RHCG: variants seen among roughly 807,000 people sequenced by gnomAD.
RHCG encodes the protein Rh family C glycoprotein, also known as ammonium transporter Rh type C.
A neutral mutation model predicts 55.3 loss-of-function variants in RHCG; 39 were observed. The observed-to-expected ratio is 0.70, with a 90% CI of 0.55 to 0.92. RHCG has a LOEUF of 0.92. Among genes scored for constraint, RHCG ranks in the 40% least tolerant of loss-of-function variants. The probability of loss-of-function intolerance (pLI) is 0.00; values close to 1 mark genes in which losing one functional copy is unlikely to be tolerated. For missense variants in RHCG, 635 were observed against 627.9 expected (o/e 1.01, Z -0.12); for synonymous variants, 250 against 246.8 (o/e 1.01, Z -0.12).
At chr15:89,487,435 C>CGATA (rs981514979) in intron 1 of RHCG, among the ~76,000 whole-genome samples, 1 of 152,148 alleles carries the variant, frequency 6.6e-6, no homozygotes, top group African/African-American at 2.4e-5. Flanking sequence ...GGTCTAAGGT[C>CGATA]GATAGCCCAG....
Position 89,477,749 on chromosome 15 carries a change from C to T in RHCG, c.975+88G>A. The T allele has an allele frequency of 6.2e-7, 1 of 1,603,048 alleles. No individual in the cohort carries two copies. Among genetic ancestry groups the T allele is most frequent in the South Asian group, 1.1e-5 (1 of 90,206 alleles). The stretch of plus-strand genomic sequence containing the variant: ...AGACCCAGGATTCTCTAGCCCTCAG[C>T]CCCCTCCCTAGGAACCCTCAGCTCA... On this transcript the variant is annotated intron_variant, in intron 6 of 10. Transcript: ENST00000268122. The surrounding 1 kb of genome is among the most constrained non-coding windows in gnomAD (Gnocchi z 4.5).
chr15:89,489,241 G>C (rs1343377325), intron 1 of RHCG, among the ~76,000 whole-genome samples: 2 of 151,922 alleles, frequency 1.3e-5, no homozygotes, highest in East Asian at 3.9e-4. Flanking sequence ...CTCAGCCTCT[G>C]CAGCAGCTGG....
At chr15:89,475,084 GCCTGCCTGCCTTCATTCATT>G in intron 9 of RHCG, among the ~76,000 whole-genome samples, 1 of 74,716 alleles carries the variant, frequency 1.3e-5, no homozygotes, top group Non-Finnish European at 2.9e-5. Flanking sequence ...CTGCCTTCCT[GCCTGCCTGCCTTCATTCATT>G]CCTGCCTGCC....
At chr15:89,486,556 G>C (rs1433161311) in intron 2 of RHCG, 2 of 545,064 alleles carry the variant, frequency 3.7e-6, no homozygotes, top group African/African-American at 4.3e-5. Flanking sequence ...GTGAGAGAGA[G>C]AGAGAGACAG....
chr15:89,486,938 T>C lies in RHCG; in HGVS notation c.232A>G (p.Met78Val). The change falls in exon 2 of 11, where the codon ATG (methionine) becomes GTG (valine). Residue 78 changes from methionine (M) to valine (V), a missense_variant. Transcript: ENST00000268122. ...VMVFVGFGFL[M>V]TFLQRYGFSA... is the part of the protein sequence containing the mutation. ...AAGCCGTAGCGCTGCAGGAAAGTCA[T>C]GAGGAAGCCGAAGCCCACGAAGACC... is the stretch of plus-strand genomic sequence containing the variant. The C allele has an allele frequency of 6.2e-7, 1 of 1,609,924 alleles. No homozygotes were observed. The highest frequency in any genetic ancestry group is 8.5e-7 in the Non-Finnish European group (1 of 1,177,092).
In RHCG at chr15:89,480,277, G is replaced by A; in HGVS notation, c.654C>T (p.Asp218=). The A allele has an allele frequency of 6.2e-7, 1 of 1,614,100 alleles. No homozygotes were observed. Among genetic ancestry groups the A allele is most frequent in the Admixed American group, 1.7e-5 (1 of 60,032 alleles). Residue 218 remains aspartate (D), a synonymous_variant, in exon 4 of 11, where the codon GAC becomes GAT. Coordinates refer to ENST00000268122, the MANE Select transcript of RHCG (RefSeq NM_016321.3). ...KERQNSVYQS[D]LFAMIGTLFL... ...AGTTCTCACCAATCATGGCAAAGAG[G>A]TCCGACTGGTACACAGAATTCTGTC...
chr15:89,494,983 T>TC (rs34205593), intron 1 of RHCG, among the ~76,000 whole-genome samples: 2 of 150,934 alleles, frequency 1.3e-5, no homozygotes, highest in Non-Finnish European at 1.5e-5. Flanking sequence ...TGCTGGAAAG[T>TC]CCCCCCCTTG....
chr15:89,483,265 G>T (rs1403229867), intron 2 of RHCG, 48 bp from the exon 3 acceptor site: 1 of 1,458,286 alleles, frequency 6.9e-7, no homozygotes, highest in African/African-American at 1.4e-5. Context: ...AGCAAAAAGT[G>T]GCACTGGAGG....
Position 89,477,257 on chromosome 15 carries a change from C to T in RHCG, c.1113-51G>A. 6.2e-7 allele frequency: 1 copy of T among 1,604,276 alleles called. No homozygotes were observed. Among genetic ancestry groups the T allele is most frequent in the South Asian group, 1.1e-5 (1 of 90,574 alleles). On this transcript the variant is annotated intron_variant, in intron 7 of 10. Transcript: ENST00000268122. The surrounding 1 kb of genome is among the most constrained non-coding windows in gnomAD (Gnocchi z 4.5). ...AGGGCCCCATGGAGAGGCCAAGTAA[C>T]AGCTTGCTGCCACCCCAAAAATGTG...
intron 10 of RHCG, among the ~76,000 whole-genome samples, 180 bp downstream of exon 10, chr15:89,472,531 C>T (rs1007941769): frequency 6.6e-6 from 1 of 152,196 alleles, no homozygotes; most frequent in East Asian, 1.9e-4. Flanking sequence ...TGCACGTTGT[C>T]TGACTCTAAG....
chr15:89,480,903 C>T (rs1345669354), intron 3 of RHCG, among the ~76,000 whole-genome samples: 1 of 152,228 alleles, frequency 6.6e-6, no homozygotes, highest in South Asian at 2.1e-4. Flanking sequence ...CTCACACTCA[C>T]CTCTCCTTCT....
Position 89,477,057 on chromosome 15 carries a change from C to A in RHCG, c.1237+25G>T. ...GGAGCCCCACAGCAGCACCCCCCTT[C>A]TCTGGCTCAGCCATTCCTGCTCACC... On this transcript the variant is annotated intron_variant, in intron 8 of 10. Coordinates refer to ENST00000268122, the MANE Select transcript of RHCG (RefSeq NM_016321.3). The surrounding 1 kb of genome is among the most constrained non-coding windows in gnomAD (Gnocchi z 4.5). 6.2e-7 allele frequency: 1 copy of A among 1,613,848 alleles called. No homozygotes were observed. Among genetic ancestry groups the A allele is most frequent in the Non-Finnish European group, 8.5e-7 (1 of 1,179,798 alleles).
In RHCG at chr15:89,486,814, A is replaced by G. The variant is rs1961379690; in HGVS notation, c.356T>C (p.Val119Ala). The G allele has an allele frequency of 1.3e-6, 2 of 1,592,904 alleles. No individual in the cohort carries two copies. ...WFHFLQDRYI[V>A]VGVENLINAD... ...CTGCGCTCACTTCTCCACGCCCACG[A>G]CGATGTAGCGGTCTTGTAAGAAGTG... Residue 119 changes from valine to alanine, a missense_variant, in exon 2 of 11, where the codon GTC (valine) becomes GCC (alanine). By Grantham distance (64) the Val-to-Ala change is moderately conservative. Transcript: ENST00000268122.
chr15:89,484,251 G>C (rs753948205), intron 2 of RHCG, among the ~76,000 whole-genome samples: 3 of 152,168 alleles, frequency 2.0e-5, no homozygotes, highest in Non-Finnish European at 4.4e-5. Context: ...GTGTCCCCAG[G>C]GCCTAGTGCA....
chr15:89,488,597 A>T lies in RHCG; in HGVS notation c.185-1612T>A, dbSNP rs566859864. 2.0e-5 allele frequency among the ~76,000 whole-genome samples: 3 copies of T among 152,348 alleles called. No homozygotes were observed. The South Asian group carries it at 6.2e-4, about 32-fold the overall frequency. On this transcript the variant is annotated intron_variant, in intron 1 of 10. Coordinates refer to ENST00000268122, the MANE Select transcript of RHCG (RefSeq NM_016321.3). Reference sequence around the variant, plus strand: ...CAGAACCCAATCTAATCATGAGAAAACATCAGACAAACACAAAATGAGGAA... The same window carrying T: ...CAGAACCCAATCTAATCATGAGAAATCATCAGACAAACACAAAATGAGGAA...
Position 89,472,721 on chromosome 15 carries a change from C to T in RHCG, c.*14G>A. Reference sequence around the variant, plus strand: ...CAAGCCCATGCTCACCTGCTCCTCACCTGCCCTGGGAGCCTAGGGTACCAA... The same window carrying T: ...CAAGCCCATGCTCACCTGCTCCTCATCTGCCCTGGGAGCCTAGGGTACCAA... On this transcript the variant is annotated 3_prime_UTR_variant, in exon 10 of 11. Coordinates refer to ENST00000268122, the MANE Select transcript of RHCG (RefSeq NM_016321.3). The T allele has an allele frequency of 1.2e-6, 2 of 1,610,456 alleles. No individual in the cohort carries two copies. Among genetic ancestry groups the T allele is most frequent in the South Asian group, 1.1e-5 (1 of 90,232 alleles).
intron 2 of RHCG, 196 bp downstream of exon 2, chr15:89,486,593 AGAGAGAGTGT>A (rs1339866029): frequency 2.3e-4 from 95 of 417,002 alleles, no homozygotes; most frequent in Non-Finnish European, 3.4e-4. Flanking sequence ...AGAGAGAGAG[AGAGAGAGTGT>A]GTGTGTGTGT....
At position 89,472,457 on chromosome 15, in the gene RHCG, C is replaced by T. The variant is rs191703193; in HGVS notation, c.*24+254G>A. Among the ~76,000 whole-genome samples the T allele has an allele frequency of 2.5e-3, 385 of 152,294 alleles. 1 individual carries two copies. Among genetic ancestry groups the T allele is most frequent in the African/African-American group, 8.8e-3 (365 of 41,554 alleles). Reference sequence around the variant, plus strand: ...ACAGTCACAAAGCCAAGTGTGCCCCCAGGTCTCCTTCCATATTCCTTCCAG... The same window carrying T: ...ACAGTCACAAAGCCAAGTGTGCCCCTAGGTCTCCTTCCATATTCCTTCCAG... On this transcript the variant is annotated intron_variant, in intron 10 of 10. Transcript: ENST00000268122.
At chr15:89,474,780 G>GCCTGCCTTCCTTCCTT (rs1567223899) in intron 9 of RHCG, among the ~76,000 whole-genome samples, 1 of 99,298 alleles carries the variant, frequency 1.0e-5, no homozygotes, top group Non-Finnish European at 2.0e-5. Context: ...CTTCCTTCCT[G>GCCTGCCTTCCTTCCTT]CCTGCCTTCC....
Sources: allele counts gnomAD v4.1 joint callset (sites outside exome capture counted in the v4.1 genomes callset), GRCh38; gene constraint gnomAD v4.1.1; non-coding constraint Gnocchi (gnomAD v3.1); transcripts MANE v1.5; gene names NCBI Gene and HGNC (gene_info 2026-07-23, HGNC 2026-07-21).